MICU1: variants seen among roughly 807,000 people sequenced by gnomAD.
MICU1 encodes mitochondrial calcium uptake 1.
A neutral mutation model predicts 56.8 loss-of-function variants in MICU1; 45 were observed. That is an observed-to-expected ratio of 0.79 (90% confidence interval 0.62 to 1.02). MICU1 has a LOEUF of 1.02. MICU1 is among the 50% of genes least tolerant of loss of function. The pLI is 0.00. For synonymous variants in MICU1, 186 were observed against 195.1 expected (o/e 0.95, Z 0.39); for missense variants, 504 against 587.1 (o/e 0.86, Z 1.46).
chr10:72,426,555 G>A (rs1422725414), intron 8 of MICU1, among the ~76,000 whole-genome samples: 1 of 151,868 alleles, frequency 6.6e-6, no homozygotes, highest in Non-Finnish European at 1.5e-5. Context: ...GCACCACCAT[G>A]CCTGGCTAAT....
At chr10:72,548,980 A>G (rs1839962856) in intron 4 of MICU1, among the ~76,000 whole-genome samples, 1 of 152,128 alleles carries the variant, frequency 6.6e-6, no homozygotes, top group Non-Finnish European at 1.5e-5. Context: ...TACAGACATG[A>G]GCTACCGCAC....
chr10:72,491,647 G>C (rs758624456), intron 6 of MICU1, among the ~76,000 whole-genome samples: 1 of 152,128 alleles, frequency 6.6e-6, no homozygotes, highest in Non-Finnish European at 1.5e-5. Flanking sequence ...CCCGGAGTTC[G>C]AGAGTTAATG....
intron 6 of MICU1, among the ~76,000 whole-genome samples, chr10:72,479,540 G>GT (rs1866225716): frequency 6.6e-6 from 1 of 152,134 alleles, no homozygotes; most frequent in African/African-American, 2.4e-5. Flanking sequence ...ATGTGTTTTT[G>GT]TTTTTTGGGA....
chr10:72,545,328 T>C (rs753812828), intron 4 of MICU1, among the ~76,000 whole-genome samples: 1 of 152,208 alleles, frequency 6.6e-6, no homozygotes, highest in African/African-American at 2.4e-5. Context: ...GTGAGGACCA[T>C]AACCAGTGAC....
chr10:72,427,395 T>C (rs1019147334), intron 8 of MICU1, among the ~76,000 whole-genome samples: 2 of 152,152 alleles, frequency 1.3e-5, no homozygotes, highest in African/African-American at 4.8e-5. Context: ...AGAAAACATA[T>C]ATTATGAACA....
Position 72,561,811 on chromosome 10 carries a change from C to T in MICU1, c.330+1084G>A, listed in dbSNP as rs189259344. ...GGGCAACAGAGGGAGACTCTGTCTC[C>T]AAAAATAAAAAAATTACTTCATCTA... On this transcript the variant is annotated intron_variant, in intron 3 of 11. Transcript: ENST00000361114. Among the ~76,000 whole-genome samples the T allele has an allele frequency of 9.7e-3, 1,476 of 151,932 alleles. 15 individuals carry two copies. Among genetic ancestry groups the T allele is most frequent in the Non-Finnish European group, 0.015 (994 of 67,936 alleles).
chr10:72,485,051 A>C (rs1318881497), intron 6 of MICU1, among the ~76,000 whole-genome samples: 1 of 152,218 alleles, frequency 6.6e-6, no homozygotes, highest in Non-Finnish European at 1.5e-5. Context: ...AATATTTGCT[A>C]TCTGGCCCTT....
chr10:72,468,453 A>T (rs11000318), intron 8 of MICU1, among the ~76,000 whole-genome samples: 87,394 of 151,912 alleles, frequency 0.58, 26,002 homozygotes, highest in Non-Finnish European at 0.67. Flanking sequence ...ATTAACTGGA[A>T]TTAGATTTGG....
chr10:72,454,786 A>G (rs1181914725), intron 8 of MICU1, among the ~76,000 whole-genome samples: 1 of 149,180 alleles, frequency 6.7e-6, no homozygotes, highest in East Asian at 1.9e-4. Context: ...CCATCTCAAA[A>G]AAAAAAAAAA....
intron 6 of MICU1, among the ~76,000 whole-genome samples, chr10:72,499,078 A>C (rs1054523975): frequency 4.6e-5 from 7 of 152,212 alleles, no homozygotes; most frequent in Non-Finnish European, 1.0e-4. Context: ...AAGGCTAATA[A>C]GGAGAACCTC....
chr10:72,476,013 G>A (rs11000322), intron 7 of MICU1: 226,391 of 383,390 alleles, frequency 0.59, 69,735 homozygotes, highest in Non-Finnish European at 0.68. Flanking sequence ...GATCACCTGC[G>A]GTCAGGAGTT....
intron 5 of MICU1, among the ~76,000 whole-genome samples, chr10:72,516,069 T>C (rs1168474356): frequency 6.6e-6 from 1 of 152,194 alleles, no homozygotes; most frequent in East Asian, 1.9e-4. Context: ...TGTAAAAGTG[T>C]TCCTATTTCT....
At chr10:72,403,526 A>G (rs573599090) in intron 10 of MICU1, among the ~76,000 whole-genome samples, 1 of 152,138 alleles carries the variant, frequency 6.6e-6, no homozygotes, top group Non-Finnish European at 1.5e-5. Flanking sequence ...TAAAACCAAA[A>G]TATTTGGAAG....
intron 5 of MICU1, chr10:72,508,491 A>G (rs1196460646): frequency 1.5e-5 from 5 of 333,268 alleles, no homozygotes; most frequent in Admixed American, 4.5e-5. Flanking sequence ...CAATATGAAC[A>G]TTAGAAAATA....
intron 10 of MICU1, among the ~76,000 whole-genome samples, chr10:72,404,331 GA>G (rs1340929691): frequency 8.5e-5 from 13 of 152,146 alleles, no homozygotes; most frequent in African/African-American, 3.1e-4. Context: ...GCTTACCTTA[GA>G]AAAGGTAAGT....
At position 72,368,098 on chromosome 10, in the gene MICU1, C is replaced by G; in HGVS notation, c.*97G>C. The G allele has an allele frequency of 7.6e-7, 1 of 1,311,666 alleles. No individual in the cohort carries two copies. Among genetic ancestry groups the G allele is most frequent in the African/African-American group, 1.5e-5 (1 of 67,794 alleles). 81.3% of individuals were successfully genotyped at this position (1,311,666 alleles called of 1,614,324 possible). ...GAGGTCATCCCGGGAGGAAGGGGGA[C>G]TACTTCCAGAAGCAGCAGCACAAAG... On this transcript the variant is annotated 3_prime_UTR_variant, in exon 12 of 12. Transcript: ENST00000361114.
intron 6 of MICU1, among the ~76,000 whole-genome samples, chr10:72,496,904 AAT>A (rs542223985): frequency 4.8e-4 from 73 of 152,142 alleles, no homozygotes; most frequent in Non-Finnish European, 9.6e-4. Context: ...TTAGCCAACA[AAT>A]ATATATGGAA....
At position 72,454,792 on chromosome 10, in the gene MICU1, A is replaced by C. The variant is rs529217316; in HGVS notation, c.933+20308T>G. On this transcript the variant is annotated intron_variant, in intron 8 of 11. Transcript: ENST00000361114. The stretch of plus-strand genomic sequence containing the variant: ...AGCGAAACTCCATCTCAAAAAAAAA[A>C]AAAAAACAAAAAACAAAAAATATAA... Among the ~76,000 whole-genome samples the C allele has an allele frequency of 2.2e-3, 335 of 149,586 alleles. 3 individuals are homozygous for C. The highest frequency in any genetic ancestry group is 0.02 in the South Asian group (95 of 4,802).
At chr10:72,430,683 C>G (rs1169720881) in intron 8 of MICU1, among the ~76,000 whole-genome samples, 1 of 152,172 alleles carries the variant, frequency 6.6e-6, no homozygotes, top group East Asian at 1.9e-4. Flanking sequence ...GCCTCAGCCT[C>G]CTGAGTAGCT....
Sources: gnomAD v4.1 joint callset for allele counts (sites outside exome capture counted in the v4.1 genomes callset) on GRCh38, gnomAD v4.1.1 for gene constraint, MANE v1.5 for transcripts, NCBI Gene and HGNC (gene_info 2026-07-23, HGNC 2026-07-21) for gene names.